KIAA0232: variants seen among roughly 807,000 people sequenced by gnomAD.
KIAA0232 encodes uncharacterized protein KIAA0232.
KIAA0232 carries 27 observed loss-of-function variants against 122.0 expected under a neutral mutation model. That is an observed-to-expected ratio of 0.22 (90% confidence interval 0.16 to 0.31). The LOEUF (loss-of-function observed/expected upper bound fraction) is 0.31, where lower values mean the gene tolerates loss of function less well. Ranked by LOEUF, KIAA0232 falls within the 10% of genes least tolerant of loss-of-function variation. The probability of loss-of-function intolerance (pLI) is 1.00; values close to 1 mark genes in which losing one functional copy is unlikely to be tolerated. For missense variants in KIAA0232, 1,551 were observed against 1,634.2 expected, an observed-to-expected ratio of 0.95 and a Z score of 0.88; for synonymous variants, 613 against 587.6, an observed-to-expected ratio of 1.04 and a Z score of -0.63.
At chr4:6,869,483 TG>T (rs766760303) in intron 7 of KIAA0232, among the ~76,000 whole-genome samples, 36 of 152,230 alleles carry the variant, frequency 2.4e-4, no homozygotes, top group Non-Finnish European at 3.8e-4. Flanking sequence ...TGACAGGTGC[TG>T]TTAGCCACCT....
chr4:6,821,621 T>G (rs1718427564), intron 2 of KIAA0232, among the ~76,000 whole-genome samples: 1 of 151,800 alleles, frequency 6.6e-6, no homozygotes, highest in Non-Finnish European at 1.5e-5. Flanking sequence ...CACATATCTA[T>G]ATATATATAC....
chr4:6,858,320 C>T, intron 5 of KIAA0232, 105 bp from the exon 6 acceptor site: 1 of 650,506 alleles, frequency 1.5e-6, no homozygotes, highest in Non-Finnish European at 2.6e-6. Context: ...TTTTAAGCAC[C>T]AAAGTCTCTA....
chr4:6,847,835 T>C (rs898168582), intron 4 of KIAA0232, among the ~76,000 whole-genome samples: 2 of 147,808 alleles, frequency 1.4e-5, no homozygotes, highest in Admixed American at 1.4e-4. Flanking sequence ...TTGTTAAATA[T>C]ATGCAAACCA....
chr4:6,814,059 G>A lies in KIAA0232; in HGVS notation c.-270+9453G>A, dbSNP rs190947977. On this transcript the variant is annotated intron_variant, in intron 2 of 9. Transcript: ENST00000307659. ...AATCCTAAGGTCTTTAAAAGGGCTT[G>A]CAGTTGTGTACTAGGTGTACAACTG... is the stretch of plus-strand genomic sequence containing the variant. Among the ~76,000 whole-genome samples, 70 of 152,240 alleles carry A rather than the reference G, an allele frequency of 4.6e-4. No homozygotes were observed. The East Asian group carries it at 9.5e-3, about 21-fold the overall frequency.
At chr4:6,842,237 G>A (rs767556958) in intron 4 of KIAA0232, 33 bp downstream of exon 4, 2 of 1,554,202 alleles carry the variant, frequency 1.3e-6, no homozygotes, top group Non-Finnish European at 1.7e-6. Context: ...ACACTTAAGA[G>A]AATAAAAGAA....
Position 6,862,970 on chromosome 4 carries a change from ATGC to A in KIAA0232, c.2591_2593del (p.Ala864del). ...GTAAATAACTACTGCTGCTGTCTAGATGCTGAAGCTGAACTGGAGACCCTTCAG... is the reference window on the plus strand; with the variant it reads ...GTAAATAACTACTGCTGCTGTCTAGATGAAGCTGAACTGGAGACCCTTCAG... On this transcript the variant is annotated inframe_deletion, in exon 7 of 10. Coordinates refer to ENST00000307659, the MANE Select transcript of KIAA0232 (RefSeq NM_014743.3). 6.2e-7 allele frequency: 1 copy of A among 1,614,224 alleles called. No homozygotes were observed. The highest frequency in any genetic ancestry group is 1.1e-5 in the South Asian group (1 of 91,090).
chr4:6,880,961 C>A lies in KIAA0232; in HGVS notation c.4183C>A (p.Leu1395Ile). Residue 1395 changes from leucine (L) to isoleucine (I), a missense_variant, in exon 10 of 10, where the codon CTC (leucine) becomes ATC (isoleucine). Leu to Ile is a conservative substitution (Grantham distance 5). Coordinates refer to ENST00000307659, the MANE Select transcript of KIAA0232 (RefSeq NM_014743.3). The stretch of plus-strand genomic sequence containing the variant: ...AGAGGAGCTCTTTTCTCGAACTCAT[C>A]TCTAAACCTGCAAAATAGTACAAAT... ...SEEELFSRTH[L>I] The A allele has an allele frequency of 6.6e-7, 1 of 1,522,678 alleles. No individual in the cohort carries two copies. The highest frequency in any genetic ancestry group is 2.2e-5 in the Admixed American group (1 of 46,042). 94.3% of individuals were successfully genotyped at this position (1,522,678 alleles called of 1,614,324 possible).
chr4:6,807,117 C>T (rs1465367840), intron 2 of KIAA0232, among the ~76,000 whole-genome samples: 1 of 151,454 alleles, frequency 6.6e-6, no homozygotes, highest in East Asian at 1.9e-4. Context: ...CCAAGTTGGC[C>T]CTGTACGCCT....
At chr4:6,834,528 A>G (rs143982789) in intron 3 of KIAA0232, among the ~76,000 whole-genome samples, 73 of 152,348 alleles carry the variant, frequency 4.8e-4, no homozygotes, top group African/African-American at 1.7e-3. Context: ...CTGATACAGT[A>G]TTTCCAACAT....
rs1323339408 is a variant in KIAA0232, at chr4:6,863,364, G to C, written c.2982G>C (p.Val994=). The change falls in exon 7 of 10, where the codon GTG becomes GTC. Residue 994 remains valine, a synonymous_variant. Coordinates refer to ENST00000307659, the MANE Select transcript of KIAA0232 (RefSeq NM_014743.3). ...PGHRQLWKPF[V]SFEQNDQPKS... is the part of the protein sequence containing the mutation. ...ACAGGCAGTTATGGAAACCCTTCGT[G>C]TCATTTGAACAGAATGATCAGCCGA... 6.2e-7 allele frequency: 1 copy of C among 1,614,036 alleles called. No individual in the cohort carries two copies. The highest frequency in any genetic ancestry group is 8.5e-7 in the Non-Finnish European group (1 of 1,180,030).
At chr4:6,829,013 C>A (rs945460446) in intron 3 of KIAA0232, among the ~76,000 whole-genome samples, 1 of 151,804 alleles carries the variant, frequency 6.6e-6, no homozygotes, top group Non-Finnish European at 1.5e-5. Flanking sequence ...TGAGATTATG[C>A]ATCGACTTTA....
At chr4:6,826,412 A>C (rs1403679524) in intron 3 of KIAA0232, among the ~76,000 whole-genome samples, 2 of 152,226 alleles carry the variant, frequency 1.3e-5, no homozygotes, top group Non-Finnish European at 2.9e-5. Context: ...CTACAAACAT[A>C]GAAGGACTTT....
intron 1 of KIAA0232, among the ~76,000 whole-genome samples, chr4:6,787,838 T>C (rs1338410267): frequency 6.6e-6 from 1 of 152,216 alleles, no homozygotes; most frequent in East Asian, 1.9e-4. Flanking sequence ...CATTTCCCTC[T>C]ATTCCATCAC....
intron 4 of KIAA0232, among the ~76,000 whole-genome samples, chr4:6,847,931 T>A (rs1427982166): frequency 2.6e-5 from 4 of 152,144 alleles, no homozygotes; most frequent in Non-Finnish European, 4.4e-5. Context: ...AAGCTAGTAC[T>A]TTATCTCCCA....
chr4:6,801,443 C>T (rs942550894), intron 1 of KIAA0232, among the ~76,000 whole-genome samples: 1 of 152,114 alleles, frequency 6.6e-6, no homozygotes, highest in Non-Finnish European at 1.5e-5. Context: ...AATCCTGGCC[C>T]TTTGGGAGGC....
chr4:6,880,364 CCGT>C (rs1482067060), intron 9 of KIAA0232, among the ~76,000 whole-genome samples: 3 of 149,488 alleles, frequency 2.0e-5, no homozygotes, highest in Non-Finnish European at 4.5e-5. Flanking sequence ...CCCAACACAC[CCGT>C]CTGCAGTGCC....
chr4:6,860,938 G>T lies in KIAA0232; in HGVS notation c.556G>T (p.Val186Phe), dbSNP rs201818365. The T allele has an allele frequency of 1.2e-4, 191 of 1,613,888 alleles. 1 individual carries two copies. Among genetic ancestry groups the T allele is most frequent in the Middle Eastern group, 4.9e-4 (3 of 6,084 alleles). Reference sequence around the variant, plus strand: ...ATTTCCACCACTTTCTGAGAAACCAGTTTGCCTGCAAGAAATCATGACTGT... The same window carrying T: ...ATTTCCACCACTTTCTGAGAAACCATTTTGCCTGCAAGAAATCATGACTGT... Reference protein sequence around the residue: ...EAFPPLSEKPVCLQEIMTVWN... With the variant: ...EAFPPLSEKPFCLQEIMTVWN... The change falls in exon 7 of 10, where the codon GTT (valine) becomes TTT (phenylalanine). Residue 186 changes from valine (V) to phenylalanine (F), a missense_variant. By Grantham distance (50) the Val-to-Phe change is conservative (BLOSUM62 -1). Coordinates refer to ENST00000307659, the MANE Select transcript of KIAA0232 (RefSeq NM_014743.3).
chr4:6,855,790 G>T lies in KIAA0232; in HGVS notation c.370-1374G>T. 1 of 963,120 alleles carries T rather than the reference G, an allele frequency of 1.0e-6. No individual in the cohort carries two copies. The highest frequency in any genetic ancestry group is 1.2e-6 in the Non-Finnish European group (1 of 809,634). The allele number at this position is 963,120 out of a possible 1,614,324, so 59.7% of individuals were successfully genotyped here. On this transcript the variant is annotated intron_variant, in intron 4 of 9. Transcript: ENST00000307659. This position sits in a 1 kb window ranked among gnomAD's most constrained non-coding sequence, Gnocchi z 4.3. ...TAGGTTTAGAAACCTAGTGACATAGGCTTGCTGTACAGAACAGTATGCAGT... is the reference window on the plus strand; with the variant it reads ...TAGGTTTAGAAACCTAGTGACATAGTCTTGCTGTACAGAACAGTATGCAGT...
At chr4:6,814,898 TAAAA>T (rs1718049432) in intron 2 of KIAA0232, among the ~76,000 whole-genome samples, 1 of 152,136 alleles carries the variant, frequency 6.6e-6, no homozygotes, top group African/African-American at 2.4e-5. Flanking sequence ...AACTTTAAAG[TAAAA>T]AAGACAAATT....
Sources: allele counts gnomAD v4.1 joint callset (sites outside exome capture counted in the v4.1 genomes callset), GRCh38; gene constraint gnomAD v4.1.1; non-coding constraint Gnocchi (gnomAD v3.1); transcripts MANE v1.5; gene names NCBI Gene and HGNC (gene_info 2026-07-23, HGNC 2026-07-21).